NOX4: variants seen among roughly 807,000 people sequenced by gnomAD.
NOX4 encodes kidney oxidase-1.
A neutral mutation model predicts 87.6 loss-of-function variants in NOX4; 69 were observed. The observed-to-expected ratio is 0.79, with a 90% CI of 0.65 to 0.96. The LOEUF (loss-of-function observed/expected upper bound fraction) is 0.96. Ranked by LOEUF, NOX4 falls within the 40% of genes least tolerant of loss-of-function variation. The pLI, the probability that NOX4 is intolerant of heterozygous loss-of-function variation, is 0.00. For missense variants in NOX4, 680 were observed against 681.5 expected (o/e 1.00, Z 0.02); for synonymous variants, 275 against 238.2 (o/e 1.15, Z -1.42).
chr11:89,550,551 G>A, the NOX4 span, among the ~76,000 whole-genome samples: 1 of 152,100 alleles, frequency 6.6e-6, no homozygotes, highest in East Asian at 1.9e-4. Context: ...TACCAGTGAT[G>A]ATGAGCTTTT....
At chr11:89,428,965 C>T (rs317136) in intron 7 of NOX4, among the ~76,000 whole-genome samples, 88,768 of 151,894 alleles carry the variant, frequency 0.58, 28,110 homozygotes, top group African/African-American at 0.84. Context: ...TAGTTGGAAG[C>T]AAAGCACTCC....
the NOX4 span, among the ~76,000 whole-genome samples, chr11:89,532,321 G>T: frequency 6.6e-6 from 1 of 152,204 alleles, no homozygotes; most frequent in Non-Finnish European, 1.5e-5. Context: ...GCTACCCAAG[G>T]CCTTGGGAGC....
chr11:89,528,352 A>C, the NOX4 span, among the ~76,000 whole-genome samples: 1 of 152,236 alleles, frequency 6.6e-6, no homozygotes, highest in African/African-American at 2.4e-5. Flanking sequence ...TAAGACTTTG[A>C]GGGACTACTG....
chr11:89,443,284 A>G (rs1944534610), intron 5 of NOX4: 1 of 152,136 alleles, frequency 6.6e-6, no homozygotes, highest in Non-Finnish European at 1.5e-5. Flanking sequence ...ACACATGAAC[A>G]CAACAGTATT....
At chr11:89,584,950 G>C in the NOX4 span, among the ~76,000 whole-genome samples, 1 of 152,054 alleles carries the variant, frequency 6.6e-6, no homozygotes, top group East Asian at 1.9e-4. Flanking sequence ...GGATATACAA[G>C]GACTTGTAGC....
intron 2 of NOX4, among the ~76,000 whole-genome samples, chr11:89,489,665 T>C (rs1342254562): frequency 6.6e-6 from 1 of 150,454 alleles, no homozygotes; most frequent in Non-Finnish European, 1.5e-5. Context: ...CAATCAGAGG[T>C]TGCAGTGAGC....
the NOX4 span, among the ~76,000 whole-genome samples, chr11:89,531,968 G>T: frequency 4.0e-4 from 61 of 152,318 alleles, no homozygotes; most frequent in African/African-American, 1.4e-3. Flanking sequence ...GGCAGCTTCC[G>T]TGTGGTGTGG....
the NOX4 span, among the ~76,000 whole-genome samples, chr11:89,508,095 C>T: frequency 6.6e-6 from 1 of 151,912 alleles, no homozygotes. Context: ...TAATATAATG[C>T]AAAAACTATT....
At chr11:89,382,320 C>T (rs1473280330) in intron 11 of NOX4, among the ~76,000 whole-genome samples, 3 of 152,092 alleles carry the variant, frequency 2.0e-5, no homozygotes, top group East Asian at 3.9e-4. Context: ...ACCTAAATGC[C>T]TTATTTTCTT....
At chr11:89,508,393 T>C in the NOX4 span, among the ~76,000 whole-genome samples, 1 of 152,108 alleles carries the variant, frequency 6.6e-6, no homozygotes. Context: ...GTACACTTGA[T>C]GGTAATTTTA....
intron 17 of NOX4, among the ~76,000 whole-genome samples, chr11:89,335,471 C>A (rs1348783786): frequency 6.6e-6 from 1 of 151,684 alleles, no homozygotes; most frequent in African/African-American, 2.4e-5. Flanking sequence ...TAAATGAATT[C>A]ATTGTTAGAA....
At chr11:89,373,597 T>C in intron 11 of NOX4, 105 bp from the exon 12 acceptor site, 11 of 744,790 alleles carry the variant, frequency 1.5e-5, no homozygotes, top group Non-Finnish European at 2.6e-5. Flanking sequence ...TATCAATAGA[T>C]AACAGGAAGG....
intron 15 of NOX4, among the ~76,000 whole-genome samples, chr11:89,338,782 T>C (rs1945840024): frequency 6.6e-6 from 1 of 152,174 alleles, no homozygotes; most frequent in African/African-American, 2.4e-5. Context: ...GCTCATTCAC[T>C]TCAGTCAAGT....
intron 17 of NOX4, among the ~76,000 whole-genome samples, chr11:89,334,125 C>T (rs1470330819): frequency 2.0e-5 from 3 of 151,622 alleles, no homozygotes; most frequent in African/African-American, 4.8e-5. Flanking sequence ...TATCAGTTTT[C>T]AGCAATATAC....
At chr11:89,449,658 A>G in intron 3 of NOX4, 134 bp from the exon 4 acceptor site, 4 of 606,330 alleles carry the variant, frequency 6.6e-6, no homozygotes, top group Non-Finnish European at 1.1e-5. Context: ...GGTGAGATGA[A>G]TTATGATCTA....
chr11:89,406,713 G>A (rs1373652337), intron 8 of NOX4, among the ~76,000 whole-genome samples: 1 of 152,024 alleles, frequency 6.6e-6, no homozygotes, highest in Non-Finnish European at 1.5e-5. Flanking sequence ...GCTAGTACAG[G>A]TGAAGAACTG....
the NOX4 span, among the ~76,000 whole-genome samples, chr11:89,539,205 G>A: frequency 5.9e-5 from 9 of 152,178 alleles, no homozygotes; most frequent in African/African-American, 1.9e-4. Context: ...AGGCCAAGAC[G>A]GGCAGATCAT....
chr11:89,403,121 G>A (rs560283754), intron 8 of NOX4, among the ~76,000 whole-genome samples: 1 of 152,176 alleles, frequency 6.6e-6, no homozygotes, highest in East Asian at 1.9e-4. Context: ...TCCATAGACA[G>A]AACCACATAA....
chr11:89,361,456 G>C (rs537589984), intron 12 of NOX4, among the ~76,000 whole-genome samples: 1 of 151,958 alleles, frequency 6.6e-6, no homozygotes, highest in Non-Finnish European at 1.5e-5. Context: ...ACTCTGGAGC[G>C]GGAATGTTAG....
Sources: gnomAD v4.1 joint callset for allele counts (sites outside exome capture counted in the v4.1 genomes callset) on GRCh38, gnomAD v4.1.1 for gene constraint, MANE v1.5 for transcripts, NCBI Gene and HGNC (gene_info 2026-07-23, HGNC 2026-07-21) for gene names.